CEACAM19: variants seen among roughly 807,000 people sequenced by gnomAD.
The protein encoded by CEACAM19 is cell adhesion molecule CEACAM19.
In CEACAM19, 37 loss-of-function variants were observed where a neutral mutation model predicts 37.6. That is an observed-to-expected ratio of 0.98 (90% CI 0.76 to 1.29). The LOEUF is 1.29. Ranked by LOEUF, CEACAM19 falls within the 50% of genes most tolerant of loss-of-function variation. The pLI is 0.00. For synonymous variants in CEACAM19, 140 were observed against 149.8 expected (o/e 0.93, Z 0.48); for missense variants, 340 against 375.6 (o/e 0.91, Z 0.78).
At chr19:44,669,360 G>A (rs1193080443), upstream of CEACAM19, among the ~76,000 whole-genome samples, 1 of 152,062 alleles carries the variant, frequency 6.6e-6, no homozygotes, top group Non-Finnish European at 1.5e-5. Context: ...CTAGGCTCAA[G>A]CAATCTTCCC....
At chr19:44,675,855 T>A (rs899782146) in intron 2 of CEACAM19, among the ~76,000 whole-genome samples, 1 of 151,776 alleles carries the variant, frequency 6.6e-6, no homozygotes, top group African/African-American at 2.4e-5. Flanking sequence ...AGATTTTGGA[T>A]GTGCTGAGGA....
chr19:44,680,296 C>G lies in CEACAM19; in HGVS notation c.668C>G (p.Thr223Ser), dbSNP rs1329389704. ...PSVTPSTWMA[T>S]TEKPELGPAH... The stretch of plus-strand genomic sequence containing the variant: ...CCTCTATGTGTCCCCAGGATGGCGA[C>G]CACAGAGAAGCCAGAATTGGGCCCT... Residue 223 changes from threonine to serine, a missense_variant, in exon 5 of 8, where the codon ACC (threonine) becomes AGC (serine). Physicochemically the swap from Thr to Ser is moderately conservative, Grantham distance 58. Coordinates refer to ENST00000358777, the MANE Select transcript of CEACAM19 (RefSeq NM_001127893.3). 6.2e-7 allele frequency: 1 copy of G among 1,610,238 alleles called. No individual in the cohort carries two copies. Among genetic ancestry groups the G allele is most frequent in the Non-Finnish European group, 8.5e-7 (1 of 1,179,376 alleles).
Position 44,683,525 on chromosome 19 carries a change from A to C in CEACAM19, c.*35A>C. On this transcript the variant is annotated 3_prime_UTR_variant, in exon 8 of 8. Transcript: ENST00000358777. ...GGCCAGGCCAGCCAGGGAGAAGACA[A>C]GGCCCCAGCCCTCCTCTGGGAGCCT... is the stretch of plus-strand genomic sequence containing the variant. 2 of 1,418,524 alleles carry C rather than the reference A, an allele frequency of 1.4e-6. No homozygotes were observed. The allele number at this position is 1,418,524 out of a possible 1,614,324, so 87.9% of individuals were successfully genotyped here.
upstream of CEACAM19, among the ~76,000 whole-genome samples, chr19:44,668,057 TAA>T (rs1439289856): frequency 1.2e-5 from 1 of 86,786 alleles, no homozygotes; most frequent in African/African-American, 4.8e-5. Flanking sequence ...TATGTATATA[TAA>T]ATATATAATA....
chr19:44,674,334 A>G (rs1973909144), intron 2 of CEACAM19, among the ~76,000 whole-genome samples: 1 of 150,148 alleles, frequency 6.7e-6, no homozygotes, highest in Non-Finnish European at 1.5e-5. Context: ...TTTTTTTTCA[A>G]TTTAAAAGCA....
chr19:44,678,846 A>G lies in CEACAM19; in HGVS notation c.576-7A>G. ...TCCAATTTTCTTCCCCTCTCTTTCCACCCTAGACTGCCTGCTCCGAGGGGC... is the reference window on the plus strand; with the variant it reads ...TCCAATTTTCTTCCCCTCTCTTTCCGCCCTAGACTGCCTGCTCCGAGGGGC... On this transcript the variant is annotated splice_region_variant and splice_polypyrimidine_tract_variant and intron_variant, in intron 3 of 7. Coordinates refer to ENST00000358777, the MANE Select transcript of CEACAM19 (RefSeq NM_001127893.3). The G allele has an allele frequency of 6.2e-7, 1 of 1,610,590 alleles. No individual in the cohort carries two copies. Among genetic ancestry groups the G allele is most frequent in the Non-Finnish European group, 8.5e-7 (1 of 1,178,878 alleles).
chr19:44,675,605 G>A (rs951587903), intron 2 of CEACAM19, among the ~76,000 whole-genome samples: 1 of 152,010 alleles, frequency 6.6e-6, no homozygotes, highest in Non-Finnish European at 1.5e-5. Context: ...AAGTAATTTA[G>A]TGACACCCCT....
chr19:44,672,795 A>G lies in CEACAM19; in HGVS notation c.255A>G (p.Gln85=), dbSNP rs147526947. Residue 85 remains glutamine (Q), a synonymous_variant, in exon 2 of 8, where the codon CAA becomes CAG. Transcript: ENST00000358777. The part of the protein sequence containing the change: ...TRLFTYIPGI[Q]RPQRDGSAMG... ...TATTTACCTACATCCCTGGGATACA[A>G]CGGCCTCAGAGGGATGGCAGTGCCA... The G allele has an allele frequency of 4.0e-4, 631 of 1,590,220 alleles. 2 individuals are homozygous for G. The highest frequency in any genetic ancestry group is 2.0e-3 in the Middle Eastern group (12 of 5,980).
intron 6 of CEACAM19, among the ~76,000 whole-genome samples, chr19:44,682,363 G>A (rs1178370400): frequency 6.6e-6 from 1 of 152,218 alleles, no homozygotes; most frequent in East Asian, 1.9e-4. Context: ...CGGGCCACTG[G>A]ATACCACACG....
chr19:44,666,045 CCT>C (rs1460519942), intron 1 of CEACAM19: 3 of 152,260 alleles, frequency 2.0e-5, no homozygotes, highest in Non-Finnish European at 4.4e-5. Context: ...GACTCCTAGA[CCT>C]CTGTTACCAG....
At chr19:44,680,409 C>CTCACTCA in intron 5 of CEACAM19, 75 bp downstream of exon 5, 2 of 1,349,952 alleles carry the variant, frequency 1.5e-6, no homozygotes, top group South Asian at 2.3e-5. Context: ...GCCACAAGCC[C>CTCACTCA]GCTTATTCTC....
chr19:44,673,078 A>G, intron 2 of CEACAM19, 114 bp downstream of exon 2: 1 of 861,248 alleles, frequency 1.2e-6, no homozygotes, highest in Non-Finnish European at 1.6e-6. Context: ...TATTCACTTG[A>G]CACATATTGA....
chr19:44,667,960 A>G (rs1190493710), upstream of CEACAM19, among the ~76,000 whole-genome samples: 1 of 82,576 alleles, frequency 1.2e-5, no homozygotes, highest in Non-Finnish European at 2.0e-5. Context: ...ATATAAATCT[A>G]TATAAATATA....
chr19:44,670,637 T>C (rs1225785097), upstream of CEACAM19, among the ~76,000 whole-genome samples: 1 of 151,950 alleles, frequency 6.6e-6, no homozygotes, highest in Non-Finnish European at 1.5e-5. Flanking sequence ...ATTGTGCCAC[T>C]GTACTCCAGC....
Position 44,666,467 on chromosome 19 carries a change from C to G in CEACAM19, c.-320+4069C>G, listed in dbSNP as rs577210564. ...ATTGGATCACCTGAGATCAGGAGTT[C>G]GAGACCAGCCTGGCCAACATGGTGA... On this transcript the variant is annotated intron_variant, in intron 1 of 3. Coordinates refer to the CEACAM19 transcript ENST00000591979. Among the ~76,000 whole-genome samples the G allele has an allele frequency of 6.6e-5, 10 of 152,248 alleles. No homozygotes were observed. In the East Asian group the frequency reaches 1.9e-3, roughly 29 times the overall value.
chr19:44,680,156 T>C, intron 4 of CEACAM19, 132 bp from the exon 5 acceptor site: 1 of 686,292 alleles, frequency 1.5e-6, no homozygotes, highest in African/African-American at 1.8e-5. Context: ...TCAGGCCTCA[T>C]CCTAGCTCAC....
chr19:44,672,648 C>G lies in CEACAM19; in HGVS notation c.108C>G (p.Ile36Met), dbSNP rs1251259192. ...AAGGCTCCCAGGCAGCTCTCTACATCCAGAAGATTCCAGAGCAGCCTCAAA... is the reference window on the plus strand; with the variant it reads ...AAGGCTCCCAGGCAGCTCTCTACATGCAGAAGATTCCAGAGCAGCCTCAAA... Reference protein sequence around the residue: ...MLQGSQAALYIQKIPEQPQKN... With the variant: ...MLQGSQAALYMQKIPEQPQKN... Residue 36 changes from isoleucine to methionine, a missense_variant, in exon 2 of 8, where the codon ATC becomes ATG. Coordinates refer to ENST00000358777, the MANE Select transcript of CEACAM19 (RefSeq NM_001127893.3). 6.6e-7 allele frequency: 1 copy of G among 1,513,480 alleles called. No individual in the cohort carries two copies. The highest frequency in any genetic ancestry group is 8.8e-7 in the Non-Finnish European group (1 of 1,129,964). 93.8% of individuals were successfully genotyped at this position (1,513,480 alleles called of 1,614,324 possible). A position where few individuals can be genotyped will look rare whatever the true frequency, so the allele number is the denominator to read the frequency against.
rs1251657647 is a variant in CEACAM19 at position 44,671,630 on chromosome 19, G to A, written c.-302G>A. The A allele has an allele frequency of 2.2e-6, 1 of 462,496 alleles. No individual in the cohort carries two copies. The highest frequency in any genetic ancestry group is 1.9e-5 in the African/African-American group (1 of 51,730). The allele number at this position is 462,496 out of a possible 1,614,324, so 28.6% of individuals were successfully genotyped here. A position where few individuals can be genotyped will look rare whatever the true frequency, so the allele number is the denominator to read the frequency against. On this transcript the variant is annotated 5_prime_UTR_variant, in exon 1 of 8. Transcript: ENST00000358777. ...TATGACTATTGCTACAGTGACTGCT[G>A]TTGTAGTCACGCTGAGTGAGAAAAA...
At chr19:44,668,531 A>ATAATAT (rs1568512947), upstream of CEACAM19, among the ~76,000 whole-genome samples, 22 of 39,708 alleles carry the variant, frequency 5.5e-4, no homozygotes, top group African/African-American at 2.4e-3. Flanking sequence ...ATAAATATAT[A>ATAATAT]ATATATGTAT....
Sources: gnomAD v4.1 joint callset for allele counts (sites outside exome capture counted in the v4.1 genomes callset) on GRCh38, gnomAD v4.1.1 for gene constraint, MANE v1.5 for transcripts, NCBI Gene and HGNC (gene_info 2026-07-23, HGNC 2026-07-21) for gene names.